Variants in HDAC4 observed in about 807,000 individuals in gnomAD.
HDAC4 encodes the protein histone deacetylase 4.
In HDAC4, 16 loss-of-function variants were observed where a neutral mutation model predicts 135.1. The ratio of observed to expected loss-of-function variants is 0.12; its 90% CI spans 0.08 to 0.18. The LOEUF (loss-of-function observed/expected upper bound fraction) is 0.18, where lower values mean the gene tolerates loss of function less well. HDAC4 is among the 10% of genes least tolerant of loss of function. HDAC4 has a pLI of 1.00. For missense variants in HDAC4, 1,143 were observed against 1,511.8 expected, an observed-to-expected ratio of 0.76 and a Z score of 4.05; for synonymous variants, 685 against 653.4, an observed-to-expected ratio of 1.05 and a Z score of -0.74.
Position 239,053,524 on chromosome 2 carries a change from C to T in HDAC4, c.3166G>A (p.Glu1056Lys). The T allele has an allele frequency of 1.9e-6, 3 of 1,613,878 alleles. No individual in the cohort carries two copies. The highest frequency in any genetic ancestry group is 2.5e-6 in the Non-Finnish European group (3 of 1,179,994). ...SLIEAQTCEN[E>K]EAETVTAMAS... ...ATGGCGGTGACCGTCTCGGCTTCTT[C>T]GTTCTCGCAAGTCTGAGCCTCGATC... The change falls in exon 26 of 27, where the codon GAA becomes AAA. Residue 1056 changes from glutamate to lysine, a missense_variant. Physicochemically the swap from Glu to Lys is moderately conservative, Grantham distance 56. Transcript: ENST00000543185.
rs143953643 is a variant in HDAC4, at chr2:239,242,583, T to A, written c.23-5919A>T. On this transcript the variant is annotated intron_variant, in intron 2 of 26. Transcript: ENST00000543185. ...TTTCTACATATAGAATCAGGTCACG[T>A]ACAAATAATGACAGTTGTTTCCACC... is the stretch of plus-strand genomic sequence containing the variant. Among the ~76,000 whole-genome samples the A allele has an allele frequency of 1.2e-3, 183 of 152,346 alleles. 1 individual carries two copies. Among genetic ancestry groups the A allele is most frequent in the African/African-American group, 4.3e-3 (179 of 41,582 alleles).
intron 6 of HDAC4, among the ~76,000 whole-genome samples, chr2:239,158,738 G>C (rs1335950055): frequency 6.6e-6 from 1 of 151,980 alleles, no homozygotes; most frequent in East Asian, 1.9e-4. Flanking sequence ...CCGCCCTCCA[G>C]ACACCAGGAG....
chr2:239,159,967 A>G (rs931630432), intron 6 of HDAC4, among the ~76,000 whole-genome samples: 1 of 152,268 alleles, frequency 6.6e-6, no homozygotes, highest in Non-Finnish European at 1.5e-5. Flanking sequence ...GTTTTCTTCT[A>G]AACACTGGCT....
chr2:239,230,573 T>C (rs1338458500), intron 3 of HDAC4, among the ~76,000 whole-genome samples: 2 of 152,078 alleles, frequency 1.3e-5, no homozygotes, highest in Non-Finnish European at 2.9e-5. Context: ...CCACGGCCTC[T>C]CTTCTTCCTG....
chr2:239,060,395 C>T (rs1425668295), intron 24 of HDAC4, among the ~76,000 whole-genome samples: 1 of 152,216 alleles, frequency 6.6e-6, no homozygotes, highest in African/African-American at 2.4e-5. Context: ...GTCTAATTCA[C>T]CCCACTAAGA....
intron 4 of HDAC4, among the ~76,000 whole-genome samples, chr2:239,184,485 G>C (rs909586185): frequency 2.8e-5 from 4 of 143,618 alleles, no homozygotes; most frequent in African/African-American, 7.7e-5. Flanking sequence ...GTCTGTCCTG[G>C]AGGCTGTGCC....
At chr2:239,318,938 C>G (rs1354038078) in intron 2 of HDAC4, among the ~76,000 whole-genome samples, 1 of 152,154 alleles carries the variant, frequency 6.6e-6, no homozygotes, top group Non-Finnish European at 1.5e-5. Flanking sequence ...AGAGACACAA[C>G]GGATTCCTGC....
rs149081800 is a variant in HDAC4, at chr2:239,207,204, T to C, written c.95-17127A>G. Among the ~76,000 whole-genome samples, 4 of 151,960 alleles carry C rather than the reference T, an allele frequency of 2.6e-5. No individual in the cohort carries two copies. In the East Asian group the frequency reaches 7.7e-4, roughly 29 times the overall value. On this transcript the variant is annotated intron_variant, in intron 3 of 26. Transcript: ENST00000543185. ...CCATAACAGTTAAAAAGAATAAGAA[T>C]GAAAAAAATACATACAAAATCTTGT...
At chr2:239,089,418 C>T (rs2036286108) in intron 18 of HDAC4, among the ~76,000 whole-genome samples, 1 of 152,202 alleles carries the variant, frequency 6.6e-6, no homozygotes, top group Non-Finnish European at 1.5e-5. Flanking sequence ...ACCTCCACCT[C>T]CCAGGTTCAA....
At position 239,052,935 on chromosome 2, in the gene HDAC4, G is replaced by T; in HGVS notation, c.*162C>A. 1.3e-6 allele frequency: 1 copy of T among 791,950 alleles called. No homozygotes were observed. The highest frequency in any genetic ancestry group is 2.2e-6 in the Non-Finnish European group (1 of 454,882). The allele number at this position is 791,950 out of a possible 1,614,324, so 49.1% of individuals were successfully genotyped here. On this transcript the variant is annotated 3_prime_UTR_variant, in exon 27 of 27. Coordinates refer to ENST00000543185, the MANE Select transcript of HDAC4 (RefSeq NM_001378414.1). ...TGCATGTGCGTCTCGAGACCTGTGG[G>T]CCTGGGCGGCAGAAAGGCTTCCCGT...
At chr2:239,292,164 G>A (rs1377011690) in intron 2 of HDAC4, among the ~76,000 whole-genome samples, 1 of 152,224 alleles carries the variant, frequency 6.6e-6, no homozygotes, top group Admixed American at 6.5e-5. Context: ...GATGGTAGGT[G>A]GGGCCCCAAG....
chr2:239,336,902 C>T (rs1691974380), intron 2 of HDAC4, among the ~76,000 whole-genome samples: 2 of 152,234 alleles, frequency 1.3e-5, no homozygotes, highest in Non-Finnish European at 2.9e-5. Context: ...CCACATCACA[C>T]TTAGGTGTCG....
At chr2:239,368,986 G>A (rs923866401) in intron 1 of HDAC4, among the ~76,000 whole-genome samples, 1 of 152,120 alleles carries the variant, frequency 6.6e-6, no homozygotes, top group African/African-American at 2.4e-5. Flanking sequence ...GGGGGGAGGT[G>A]AATGCCAACC....
intron 11 of HDAC4, among the ~76,000 whole-genome samples, chr2:239,129,760 A>T (rs192448968): frequency 7.2e-5 from 11 of 152,286 alleles, no homozygotes; most frequent in Middle Eastern, 3.4e-3. Flanking sequence ...CACAATCACA[A>T]TAATTGCAAT....
At chr2:239,133,328 T>A (rs1471346561) in intron 11 of HDAC4, among the ~76,000 whole-genome samples, 2 of 152,192 alleles carry the variant, frequency 1.3e-5, no homozygotes, top group East Asian at 1.9e-4. Flanking sequence ...TTCACCAAGT[T>A]CACTGCCAGA....
chr2:239,150,608 G>A (rs1354677924), intron 7 of HDAC4, among the ~76,000 whole-genome samples: 16 of 139,350 alleles, frequency 1.1e-4, no homozygotes, highest in Middle Eastern at 3.9e-3. Flanking sequence ...GTCTCACCGC[G>A]CTGCACCTCC....
intron 12 of HDAC4, among the ~76,000 whole-genome samples, chr2:239,121,831 A>C (rs897394980): frequency 2.6e-5 from 4 of 152,022 alleles, no homozygotes; most frequent in Non-Finnish European, 5.9e-5. Flanking sequence ...GCTGCAAACA[A>C]AGCCTGCTTC....
chr2:239,249,080 C>T (rs2048630979), intron 2 of HDAC4, among the ~76,000 whole-genome samples: 2 of 152,182 alleles, frequency 1.3e-5, no homozygotes, highest in South Asian at 4.1e-4. Flanking sequence ...ACAAAGTGAC[C>T]TGAGAGGGCC....
chr2:239,220,528 G>C (rs776076879), intron 3 of HDAC4, among the ~76,000 whole-genome samples: 1 of 152,182 alleles, frequency 6.6e-6, no homozygotes, highest in Non-Finnish European at 1.5e-5. Context: ...TTTGTGCTTG[G>C]TAGGGGAAGA....
Sources: gnomAD v4.1 joint callset for allele counts (sites outside exome capture counted in the v4.1 genomes callset) on GRCh38, gnomAD v4.1.1 for gene constraint, MANE v1.5 for transcripts, NCBI Gene and HGNC (gene_info 2026-07-23, HGNC 2026-07-21) for gene names.